METTL24: variants seen among roughly 807,000 people sequenced by gnomAD.
METTL24 encodes the protein methyltransferase like 24.
In METTL24, 29 loss-of-function variants were observed where a neutral mutation model predicts 32.7. The observed-to-expected ratio is 0.89, with a 90% CI of 0.66 to 1.21. The LOEUF (loss-of-function observed/expected upper bound fraction) is 1.21. Ranked by LOEUF, METTL24 falls within the 50% of genes most tolerant of loss-of-function variation. METTL24 has a pLI of 0.00. For synonymous variants in METTL24, 163 were observed against 179.5 expected (o/e 0.91, Z 0.73); for missense variants, 439 against 468.1 (o/e 0.94, Z 0.57).
At chr6:110,321,520 G>C (rs909189985) in intron 2 of METTL24, among the ~76,000 whole-genome samples, 2 of 152,156 alleles carry the variant, frequency 1.3e-5, no homozygotes, top group Non-Finnish European at 2.9e-5. Flanking sequence ...AAGGGCTTTT[G>C]AAAATCACAG....
At chr6:110,270,488 A>T (rs1414322961) in intron 4 of METTL24, among the ~76,000 whole-genome samples, 1 of 152,058 alleles carries the variant, frequency 6.6e-6, no homozygotes, top group African/African-American at 2.4e-5. Flanking sequence ...GTCGCCATGA[A>T]CACCTTCCCA....
intron 3 of METTL24, among the ~76,000 whole-genome samples, chr6:110,309,321 G>A (rs1177666515): frequency 6.6e-6 from 1 of 152,116 alleles, no homozygotes; most frequent in Non-Finnish European, 1.5e-5. Context: ...TCTTCAAGCT[G>A]CCAACTATTA....
At position 110,324,610 on chromosome 6, in the gene METTL24, C is replaced by T. The variant is rs368378845; in HGVS notation, c.319-1738G>A. Among the ~76,000 whole-genome samples the T allele has an allele frequency of 6.6e-5, 10 of 152,272 alleles. No homozygotes were observed. The South Asian group carries it at 1.9e-3, about 28-fold the overall frequency. On this transcript the variant is annotated intron_variant, in intron 1 of 4. Transcript: ENST00000338882. ...TGCATTTCATTTTATACTGGGCCCACGAATCATGTAGCCAGTCTTCCCTGA... is the reference window on the plus strand; with the variant it reads ...TGCATTTCATTTTATACTGGGCCCATGAATCATGTAGCCAGTCTTCCCTGA...
intron 3 of METTL24, among the ~76,000 whole-genome samples, chr6:110,300,855 C>T (rs1364060906): frequency 6.6e-6 from 1 of 152,098 alleles, no homozygotes; most frequent in African/African-American, 2.4e-5. Flanking sequence ...AAATAAAAAT[C>T]AATACAGTAT....
intron 4 of METTL24, among the ~76,000 whole-genome samples, chr6:110,270,179 A>G (rs1656350741): frequency 6.6e-6 from 1 of 152,088 alleles, no homozygotes; most frequent in African/African-American, 2.4e-5. Flanking sequence ...TTAAAGTTTT[A>G]TGGGTTGTCA....
At chr6:110,269,060 C>T (rs988359325) in intron 4 of METTL24, among the ~76,000 whole-genome samples, 1 of 152,116 alleles carries the variant, frequency 6.6e-6, no homozygotes, top group Non-Finnish European at 1.5e-5. Context: ...AAACGTATGA[C>T]ATCCCAACCC....
intron 1 of METTL24, among the ~76,000 whole-genome samples, chr6:110,346,889 T>C (rs187404590): frequency 2.0e-5 from 3 of 152,344 alleles, no homozygotes; most frequent in African/African-American, 7.2e-5. Context: ...TTTGATTTTC[T>C]TCCCCTTATT....
intron 3 of METTL24, 152 bp from the exon 4 acceptor site, chr6:110,299,302 T>C (rs1410635156): frequency 4.7e-6 from 3 of 643,626 alleles, no homozygotes; most frequent in Admixed American, 2.9e-5. Context: ...CAATAAACTT[T>C]CTTTCACAAA....
At chr6:110,270,094 C>T (rs940941331) in intron 4 of METTL24, among the ~76,000 whole-genome samples, 1 of 152,096 alleles carries the variant, frequency 6.6e-6, no homozygotes, top group Non-Finnish European at 1.5e-5. Flanking sequence ...CTAACTGAAT[C>T]GAAGAGATCA....
chr6:110,261,205 G>T (rs1288943792), intron 4 of METTL24, among the ~76,000 whole-genome samples: 5 of 152,210 alleles, frequency 3.3e-5, no homozygotes, highest in Non-Finnish European at 5.9e-5. Context: ...CCATCAGTGT[G>T]CTGTATTCAG....
chr6:110,254,928 A>C (rs1260401444), intron 4 of METTL24, among the ~76,000 whole-genome samples: 1 of 152,218 alleles, frequency 6.6e-6, no homozygotes, highest in Admixed American at 6.5e-5. Context: ...TTGTAGAAAA[A>C]TAGAATAAAT....
intron 3 of METTL24, among the ~76,000 whole-genome samples, chr6:110,306,865 C>T (rs1321183839): frequency 1.3e-5 from 2 of 152,164 alleles, no homozygotes; most frequent in Admixed American, 6.5e-5. Flanking sequence ...CTATATGCCA[C>T]CTCGTTGCTG....
At chr6:110,343,536 G>A (rs1309756310) in intron 1 of METTL24, among the ~76,000 whole-genome samples, 1 of 152,120 alleles carries the variant, frequency 6.6e-6, no homozygotes, top group Non-Finnish European at 1.5e-5. Context: ...GCCTAGGACA[G>A]GCCCGGAAGG....
chr6:110,258,981 C>A (rs1778437837), intron 4 of METTL24, among the ~76,000 whole-genome samples: 1 of 152,090 alleles, frequency 6.6e-6, no homozygotes, highest in Non-Finnish European at 1.5e-5. Context: ...CCCCCAATAT[C>A]TTTTGAAAGT....
intron 1 of METTL24, among the ~76,000 whole-genome samples, chr6:110,349,764 G>T (rs1184286159): frequency 4.6e-5 from 7 of 152,226 alleles, no homozygotes; most frequent in Non-Finnish European, 2.9e-5. Flanking sequence ...AGTTACAGTT[G>T]TAACCTTCCA....
chr6:110,268,665 T>G (rs1770902506), intron 4 of METTL24, among the ~76,000 whole-genome samples: 1 of 152,184 alleles, frequency 6.6e-6, no homozygotes, highest in South Asian at 2.1e-4. Flanking sequence ...ATGGACTTTT[T>G]TTTAGAGTAA....
intron 1 of METTL24, among the ~76,000 whole-genome samples, chr6:110,345,439 G>A (rs60148268): frequency 0.025 from 3,858 of 152,224 alleles, 188 homozygotes; most frequent in African/African-American, 0.087. Flanking sequence ...TGTACCCAGA[G>A]GAATATAAAT....
chr6:110,286,696 C>T (rs974596854), intron 4 of METTL24, among the ~76,000 whole-genome samples: 7 of 152,094 alleles, frequency 4.6e-5, no homozygotes, highest in African/African-American at 1.4e-4. Flanking sequence ...AACTCAATGT[C>T]GAATTGATCC....
intron 4 of METTL24, among the ~76,000 whole-genome samples, chr6:110,256,609 C>T (rs1408658004): frequency 6.6e-6 from 1 of 152,176 alleles, no homozygotes; most frequent in Non-Finnish European, 1.5e-5. Context: ...GCCTCCATAA[C>T]ACCCTCCCCC....
Sources: allele counts gnomAD v4.1 joint callset (sites outside exome capture counted in the v4.1 genomes callset), GRCh38; gene constraint gnomAD v4.1.1; transcripts MANE v1.5; gene names NCBI Gene and HGNC (gene_info 2026-07-23, HGNC 2026-07-21).